DPP10: variants seen among roughly 807,000 people sequenced by gnomAD.
DPP10 encodes the protein inactive dipeptidyl peptidase 10.
Under a neutral mutation model 120.9 loss-of-function variants are expected in DPP10, and 33 were observed. That is an observed-to-expected ratio of 0.27 (90% CI 0.21 to 0.37). DPP10 has a LOEUF of 0.37. DPP10 is among the 10% of genes least tolerant of loss of function. The pLI is 1.00. For missense variants in DPP10, 816 were observed against 942.8 expected, an observed-to-expected ratio of 0.87 and a Z score of 1.76; for synonymous variants, 337 against 326.1, an observed-to-expected ratio of 1.03 and a Z score of -0.36.
At chr2:115,752,773 AT>A (rs1454843321) in intron 10 of DPP10, among the ~76,000 whole-genome samples, 5 of 152,300 alleles carry the variant, frequency 3.3e-5, no homozygotes, top group Non-Finnish European at 4.4e-5. Flanking sequence ...AAAGAAAAAA[AT>A]AACATACCTT....
At chr2:115,627,323 C>G (rs12469425) in intron 5 of DPP10, among the ~76,000 whole-genome samples, 36,157 of 151,930 alleles carry the variant, frequency 0.24, 4,687 homozygotes, top group East Asian at 0.39. Context: ...CACATTCATA[C>G]TCACATATGG....
At chr2:115,411,380 A>G (rs1395759470) in intron 3 of DPP10, among the ~76,000 whole-genome samples, 3 of 147,268 alleles carry the variant, frequency 2.0e-5, no homozygotes, top group Non-Finnish European at 4.5e-5. Context: ...AATTCTGTCC[A>G]TTGTTGAATG....
At position 114,928,949 on chromosome 2, in the gene DPP10, A is replaced by G. The variant is rs13404770; in HGVS notation, c.61-380290A>G. ...GAGCTATCGGGGGAACCAGCCCCCAATATTTCAACGTAGGTTCTTTTCTAT... is the reference window on the plus strand; with the variant it reads ...GAGCTATCGGGGGAACCAGCCCCCAGTATTTCAACGTAGGTTCTTTTCTAT... On this transcript the variant is annotated intron_variant, in intron 1 of 25. Transcript: ENST00000410059. Among the ~76,000 whole-genome samples, 634 of 152,290 alleles carry G rather than the reference A, an allele frequency of 4.2e-3. 1 individual carries two copies. The highest frequency in any genetic ancestry group is 0.015 in the African/African-American group (606 of 41,558).
At chr2:114,544,647 A>G (rs1426171030) in intron 1 of DPP10, among the ~76,000 whole-genome samples, 3 of 152,062 alleles carry the variant, frequency 2.0e-5, no homozygotes, top group South Asian at 2.1e-4. Context: ...CAAGGTCTAT[A>G]TAAGTTAAAT....
At chr2:115,819,769 G>A (rs893326077) in intron 21 of DPP10, among the ~76,000 whole-genome samples, 12 of 152,082 alleles carry the variant, frequency 7.9e-5, no homozygotes, top group Admixed American at 2.6e-4. Context: ...CGAGGTGGGC[G>A]GATCGCCTGA....
chr2:115,315,743 A>C (rs1327841555), intron 2 of DPP10, among the ~76,000 whole-genome samples: 1 of 152,108 alleles, frequency 6.6e-6, no homozygotes, highest in African/African-American at 2.4e-5. Context: ...GTTTTTTTCA[A>C]CAACAGCACA....
rs758026424 is a variant in DPP10, at chr2:114,940,369, T to C, written c.61-368870T>C. 6.7e-4 allele frequency among the ~76,000 whole-genome samples: 102 copies of C among 152,182 alleles called. 1 individual carries two copies. Among genetic ancestry groups the C allele is most frequent in the Middle Eastern group, 3.4e-3 (1 of 292 alleles). The stretch of plus-strand genomic sequence containing the variant: ...AATCAGTTAGAGGCCAGACACATGT[T>C]TTATTATAAGAGCAAACAGAGTGTA... On this transcript the variant is annotated intron_variant, in intron 1 of 25. Transcript: ENST00000410059.
At chr2:115,289,877 C>T (rs7600759) in intron 1 of DPP10, among the ~76,000 whole-genome samples, 8,099 of 152,152 alleles carry the variant, frequency 0.053, 705 homozygotes, top group African/African-American at 0.18. Flanking sequence ...AACCTAAGAC[C>T]TGAAACCTTA....
intron 5 of DPP10, among the ~76,000 whole-genome samples, chr2:115,574,919 G>T (rs1445768151): frequency 6.6e-6 from 1 of 152,124 alleles, no homozygotes; most frequent in East Asian, 1.9e-4. Flanking sequence ...GTGTCCATGA[G>T]AATAAACAGA....
At chr2:114,664,500 G>A (rs530469293) in intron 1 of DPP10, among the ~76,000 whole-genome samples, 10 of 151,852 alleles carry the variant, frequency 6.6e-5, no homozygotes, top group African/African-American at 1.4e-4. Context: ...GTGGTGGTGC[G>A]CACCTGTTAT....
chr2:114,555,385 T>G (rs543184926), intron 1 of DPP10, among the ~76,000 whole-genome samples: 2 of 152,168 alleles, frequency 1.3e-5, no homozygotes, highest in Non-Finnish European at 2.9e-5. Context: ...GGGTCTTATA[T>G]TGTAGTGGGG....
intron 1 of DPP10, among the ~76,000 whole-genome samples, chr2:115,280,097 G>A (rs1201722598): frequency 6.6e-6 from 1 of 152,094 alleles, no homozygotes; most frequent in Non-Finnish European, 1.5e-5. Flanking sequence ...TTCTGAATTT[G>A]GACTTGTGAT....
At chr2:115,368,180 G>C (rs1221317046) in intron 3 of DPP10, among the ~76,000 whole-genome samples, 1 of 152,140 alleles carries the variant, frequency 6.6e-6, no homozygotes, top group East Asian at 1.9e-4. Flanking sequence ...AAGAAAAAGA[G>C]AAGAAAGGCC....
At position 115,744,248 on chromosome 2, in the gene DPP10, T is replaced by C. The variant is rs1677662951; in HGVS notation, c.853-1838T>C. 1.3e-5 allele frequency among the ~76,000 whole-genome samples: 2 copies of C among 150,284 alleles called. 1 individual carries two copies. Among genetic ancestry groups the C allele is most frequent in the African/African-American group, 4.8e-5 (2 of 41,382 alleles). The stretch of plus-strand genomic sequence containing the variant: ...CCAAGAACAACACTTTGAATGGCAC[T>C]GCCAATACTGTGTCAGGCTGTAAAG... On this transcript the variant is annotated intron_variant, in intron 9 of 25. Transcript: ENST00000410059.
intron 2 of DPP10, among the ~76,000 whole-genome samples, chr2:115,326,856 A>G (rs1001809832): frequency 2.0e-5 from 3 of 152,074 alleles, no homozygotes; most frequent in African/African-American, 7.2e-5. Context: ...GATAAAGTAA[A>G]GCAGTTACAG....
At chr2:114,963,474 T>C (rs774603328) in intron 1 of DPP10, among the ~76,000 whole-genome samples, 2 of 152,130 alleles carry the variant, frequency 1.3e-5, no homozygotes, top group African/African-American at 2.4e-5. Flanking sequence ...ATACAAGAAG[T>C]AAGGAAAAAT....
chr2:115,658,567 T>C (rs533107257), intron 5 of DPP10, among the ~76,000 whole-genome samples: 1 of 152,248 alleles, frequency 6.6e-6, no homozygotes, highest in South Asian at 2.1e-4. Context: ...CAGGGAATAA[T>C]TGATGCTGAT....
intron 21 of DPP10, among the ~76,000 whole-genome samples, chr2:115,826,797 A>C (rs1688363579): frequency 6.6e-6 from 1 of 152,154 alleles, no homozygotes; most frequent in South Asian, 2.1e-4. Flanking sequence ...AACATGTTAT[A>C]AATCTTACTC....
intron 1 of DPP10, among the ~76,000 whole-genome samples, chr2:114,636,470 T>G (rs546384296): frequency 1.3e-5 from 2 of 152,118 alleles, no homozygotes; most frequent in South Asian, 4.1e-4. Flanking sequence ...AAATTCCTTT[T>G]GCATCATTGG....
Sources: allele counts gnomAD v4.1 joint callset (sites outside exome capture counted in the v4.1 genomes callset), GRCh38; gene constraint gnomAD v4.1.1; transcripts MANE v1.5; gene names NCBI Gene and HGNC (gene_info 2026-07-23, HGNC 2026-07-21).